The following LRRC7 variants were observed in gnomAD, a reference collection of about 807,000 sequenced individuals.
LRRC7 encodes the protein leucine-rich repeat-containing protein 7.
Under a neutral mutation model 175.7 loss-of-function variants are expected in LRRC7, and 23 were observed. The observed-to-expected ratio is 0.13, with a 90% CI of 0.09 to 0.19. The LOEUF is 0.19. LRRC7 is among the 10% of genes least tolerant of loss of function. LRRC7 has a pLI of 1.00. For synonymous variants in LRRC7, 685 were observed against 680.9 expected, an observed-to-expected ratio of 1.01 and a Z score of -0.09; for missense variants, 1,354 against 1,904.7, an observed-to-expected ratio of 0.71 and a Z score of 5.38.
At chr1:69,981,094 G>T (rs572186882) in intron 9 of LRRC7, among the ~76,000 whole-genome samples, 4 of 151,920 alleles carry the variant, frequency 2.6e-5, no homozygotes, top group Admixed American at 2.0e-4. Context: ...CCCATAAAAC[G>T]CTGCCCCTTG....
intron 2 of LRRC7, among the ~76,000 whole-genome samples, chr1:69,742,132 T>G (rs1009924639): frequency 2.6e-5 from 4 of 152,046 alleles, no homozygotes; most frequent in Non-Finnish European, 4.4e-5. Flanking sequence ...TCCTTAAGGT[T>G]ATAAATTGAA....
rs775479062 is a variant in LRRC7 at position 70,023,180 on chromosome 1, C to T, written c.1600C>T (p.Pro534Ser). ...GGGCCAGCGTGGGATTACTCTCCAA[C>T]CTGCCAGACTGTCTGGCGATTGCTG... ...ERGQRGITLQ[P>S]ARLSGDCCTP... The change falls in exon 17 of 27, where the codon CCT becomes TCT. Residue 534 changes from proline (P) to serine (S), a missense_variant. Physicochemically the swap from Pro to Ser is moderately conservative, Grantham distance 74. Coordinates refer to ENST00000651989, the MANE Select transcript of LRRC7 (RefSeq NM_001370785.2). The T allele has an allele frequency of 7.7e-6, 12 of 1,549,974 alleles. No individual in the cohort carries two copies. The highest frequency in any genetic ancestry group is 1.1e-5 in the Non-Finnish European group (12 of 1,140,010).
intron 25 of LRRC7, among the ~76,000 whole-genome samples, chr1:70,095,602 G>A (rs1422510098): frequency 6.6e-6 from 1 of 152,050 alleles, no homozygotes; most frequent in African/African-American, 2.4e-5. Context: ...GCATGCTTTA[G>A]CCAATTGAAA....
intron 8 of LRRC7, among the ~76,000 whole-genome samples, chr1:69,946,300 A>G (rs1435959940): frequency 1.3e-5 from 2 of 152,192 alleles, no homozygotes; most frequent in Non-Finnish European, 2.9e-5. Flanking sequence ...ATGTTGAACC[A>G]TCCCTTTATT....
At chr1:69,598,370 T>C (rs373119186) in intron 1 of LRRC7, among the ~76,000 whole-genome samples, 6 of 152,142 alleles carry the variant, frequency 3.9e-5, no homozygotes, top group African/African-American at 1.4e-4. Flanking sequence ...TATATGAATA[T>C]ATATATTTAG....
At chr1:69,964,440 T>G (rs1651457623) in intron 8 of LRRC7, among the ~76,000 whole-genome samples, 1 of 152,232 alleles carries the variant, frequency 6.6e-6, no homozygotes, top group African/African-American at 2.4e-5. Context: ...CCATTATGCA[T>G]ACTGCCTGTC....
At chr1:70,033,334 G>A (rs1031211213) in intron 18 of LRRC7, among the ~76,000 whole-genome samples, 1 of 152,154 alleles carries the variant, frequency 6.6e-6, no homozygotes, top group African/African-American at 2.4e-5. Context: ...AAATAAGGTT[G>A]TCTTTTAAAT....
chr1:70,075,950 T>C, intron 23 of LRRC7, 127 bp from the exon 24 acceptor site: 1 of 893,206 alleles, frequency 1.1e-6, no homozygotes, highest in African/African-American at 1.7e-5. Flanking sequence ...TTCATTATCC[T>C]TTCTGGCCAT....
chr1:70,019,099 C>G (rs1486354171), intron 15 of LRRC7, among the ~76,000 whole-genome samples: 1 of 151,992 alleles, frequency 6.6e-6, no homozygotes, highest in Non-Finnish European at 1.5e-5. Flanking sequence ...TTGCAAGACA[C>G]ATGACTAGTA....
At chr1:69,865,535 C>T (rs991100779) in intron 7 of LRRC7, among the ~76,000 whole-genome samples, 3 of 122,402 alleles carry the variant, frequency 2.5e-5, no homozygotes, top group African/African-American at 9.4e-5. Context: ...GGATGGAGTG[C>T]AGTGGCCCGA....
intron 1 of LRRC7, 98 bp downstream of exon 1, chr1:69,568,739 G>T (rs895177152): frequency 2.4e-5 from 21 of 869,726 alleles, no homozygotes; most frequent in Non-Finnish European, 2.8e-5. Flanking sequence ...AGGCCGGCCG[G>T]GGGCGGGGGT....
chr1:69,580,256 C>T (rs1184489565), intron 1 of LRRC7, among the ~76,000 whole-genome samples: 1 of 151,990 alleles, frequency 6.6e-6, no homozygotes, highest in Non-Finnish European at 1.5e-5. Flanking sequence ...TATAGTGTCA[C>T]AACTACAGAA....
At chr1:69,570,648 A>T (rs1044726635) in intron 1 of LRRC7, among the ~76,000 whole-genome samples, 1 of 152,110 alleles carries the variant, frequency 6.6e-6, no homozygotes, top group Non-Finnish European at 1.5e-5. Flanking sequence ...CTCTAAGGGA[A>T]CTACCACGAG....
intron 2 of LRRC7, among the ~76,000 whole-genome samples, chr1:69,747,701 T>C (rs1388024596): frequency 1.3e-5 from 2 of 152,176 alleles, no homozygotes; most frequent in Non-Finnish European, 2.9e-5. Flanking sequence ...TTTATGGCAC[T>C]TATTACAACA....
intron 8 of LRRC7, among the ~76,000 whole-genome samples, chr1:69,943,304 C>T (rs552140034): frequency 8.5e-5 from 13 of 152,162 alleles, no homozygotes; most frequent in African/African-American, 3.1e-4. Flanking sequence ...ATATGTGCTA[C>T]AACGTGGTTA....
chr1:70,028,885 A>T (rs1288601235), intron 18 of LRRC7, among the ~76,000 whole-genome samples: 1 of 152,166 alleles, frequency 6.6e-6, no homozygotes, highest in Non-Finnish European at 1.5e-5. Context: ...GTGAAGCTTA[A>T]TTCCTATATT....
At chr1:69,935,031 A>G (rs1052526546) in intron 8 of LRRC7, among the ~76,000 whole-genome samples, 3 of 152,224 alleles carry the variant, frequency 2.0e-5, no homozygotes, top group Non-Finnish European at 4.4e-5. Flanking sequence ...CCCAGCCCAG[A>G]GGAGACTAAC....
rs1278708772 is a variant in LRRC7 at position 70,101,115 on chromosome 1, G to T, written c.4546-6637G>T. Among the ~76,000 whole-genome samples, 8 of 152,144 alleles carry T rather than the reference G, an allele frequency of 5.3e-5. No homozygotes were observed. In the East Asian group the frequency reaches 1.5e-3, roughly 29 times the overall value. On this transcript the variant is annotated intron_variant, in intron 25 of 26. Coordinates refer to ENST00000651989, the MANE Select transcript of LRRC7 (RefSeq NM_001370785.2). ...TATTGATATTGCCCACATTATGAAA[G>T]AAGATTAATATTTGCTACTTTTTTA...
chr1:69,721,548 C>A (rs1437845787), intron 2 of LRRC7, among the ~76,000 whole-genome samples: 2 of 151,840 alleles, frequency 1.3e-5, no homozygotes, highest in East Asian at 3.9e-4. Context: ...TAGCTAATTT[C>A]TCTTTAGCAC....
Sources: gnomAD v4.1 joint callset for allele counts (sites outside exome capture counted in the v4.1 genomes callset) on GRCh38, gnomAD v4.1.1 for gene constraint, MANE v1.5 for transcripts, NCBI Gene and HGNC (gene_info 2026-07-23, HGNC 2026-07-21) for gene names.